Variants in CTNNA3 observed in about 807,000 individuals in gnomAD.
CTNNA3 encodes catenin alpha 3.
A neutral mutation model predicts 95.7 loss-of-function variants in CTNNA3; 76 were observed. The ratio of observed to expected loss-of-function variants is 0.79; its 90% CI spans 0.66 to 0.96. The LOEUF (loss-of-function observed/expected upper bound fraction) is 0.96, where lower values mean the gene tolerates loss of function less well. Ranked by LOEUF, CTNNA3 falls within the 40% of genes least tolerant of loss-of-function variation. The pLI, the probability that CTNNA3 is intolerant of heterozygous loss-of-function variation, is 0.00. For missense variants in CTNNA3, 1,191 were observed against 1,089.8 expected (o/e 1.09, Z -1.31); for synonymous variants, 431 against 374.4 (o/e 1.15, Z -1.74).
Position 66,475,667 on chromosome 10 carries a change from C to T in CTNNA3, c.1531+44950G>A, listed in dbSNP as rs78365177. Among the ~76,000 whole-genome samples, 191 of 152,134 alleles carry T rather than the reference C, an allele frequency of 1.3e-3. 1 individual carries two copies. The East Asian group carries it at 0.023, about 18-fold the overall frequency. On this transcript the variant is annotated intron_variant, in intron 11 of 17. Coordinates refer to ENST00000433211, the MANE Select transcript of CTNNA3 (RefSeq NM_013266.4). ...GCAAATCTAAACTACAATGAGATAT[C>T]GTCTCACGCCAGTCAGAATGGCAAT...
rs990500605 is a variant in CTNNA3 at position 67,239,139 on chromosome 10, C to T, written c.580-19269G>A. ...TTAAATGGTAGTGAGGCCGTTGGTA[C>T]GACTACTTTGGAAAATGATTTGATA... On this transcript the variant is annotated intron_variant, in intron 5 of 17. Transcript: ENST00000433211. 9.2e-5 allele frequency among the ~76,000 whole-genome samples: 14 copies of T among 152,168 alleles called. No individual in the cohort carries two copies. In the South Asian group the frequency reaches 1.2e-3, roughly 14 times the overall value.
chr10:67,149,916 G>A (rs1234680001), intron 7 of CTNNA3, among the ~76,000 whole-genome samples: 3 of 152,140 alleles, frequency 2.0e-5, no homozygotes, highest in Non-Finnish European at 4.4e-5. Flanking sequence ...AACAAATAAT[G>A]AGGCATTCTT....
At chr10:66,037,776 A>G (rs962085418) in intron 15 of CTNNA3, among the ~76,000 whole-genome samples, 7 of 152,220 alleles carry the variant, frequency 4.6e-5, no homozygotes, top group African/African-American at 1.4e-4. Context: ...CCTTGTTATC[A>G]TCAACCTCTC....
At chr10:67,732,884 ACG>A (rs144093304) in intron 1 of CTNNA3, among the ~76,000 whole-genome samples, 16,449 of 132,564 alleles carry the variant, frequency 0.12, 1,160 homozygotes, top group African/African-American at 0.29. Flanking sequence ...TCTCTCACTC[ACG>A]CACACACACA....
chr10:66,816,838 T>C (rs1484850021), intron 7 of CTNNA3, among the ~76,000 whole-genome samples: 6 of 152,030 alleles, frequency 3.9e-5, no homozygotes, highest in African/African-American at 7.2e-5. Flanking sequence ...CCTCCATCTA[T>C]GATGGAATTA....
intron 9 of CTNNA3, among the ~76,000 whole-genome samples, chr10:66,718,826 T>C (rs1444679542): frequency 6.6e-6 from 1 of 152,246 alleles, no homozygotes; most frequent in Admixed American, 6.5e-5. Context: ...ATTAACACCA[T>C]TTTAACAATT....
At chr10:67,368,075 A>T (rs1248615042) in intron 5 of CTNNA3, among the ~76,000 whole-genome samples, 3 of 152,152 alleles carry the variant, frequency 2.0e-5, no homozygotes, top group Non-Finnish European at 4.4e-5. Context: ...AGCTCCAAAA[A>T]AAATGAATGA....
intron 11 of CTNNA3, among the ~76,000 whole-genome samples, chr10:66,443,366 G>C (rs568640623): frequency 1.4e-4 from 21 of 152,290 alleles, no homozygotes; most frequent in Non-Finnish European, 2.8e-4. Flanking sequence ...CTCCTTAAGT[G>C]GGTGTCTGAC....
chr10:66,247,493 G>T (rs1442123641), intron 13 of CTNNA3, among the ~76,000 whole-genome samples: 2 of 152,180 alleles, frequency 1.3e-5, no homozygotes, highest in African/African-American at 4.8e-5. Context: ...GTACAATAGG[G>T]TTATAGAACA....
In CTNNA3 at chr10:66,103,266, A is replaced by G. The variant is rs780708895; in HGVS notation, c.1885-17T>C. On this transcript the variant is annotated splice_polypyrimidine_tract_variant and intron_variant, in intron 13 of 17. Transcript: ENST00000433211. ...CTCTGGGGTCTATAAAAAGAAAGCA[A>G]AACATTGCTAGTGGGAATGTAAAAG... is the stretch of plus-strand genomic sequence containing the variant. 6.3e-7 allele frequency: 1 copy of G among 1,584,732 alleles called. No individual in the cohort carries two copies. The highest frequency in any genetic ancestry group is 8.7e-7 in the Non-Finnish European group (1 of 1,153,176).
At chr10:67,129,331 A>G (rs1365383819) in intron 7 of CTNNA3, among the ~76,000 whole-genome samples, 1 of 152,146 alleles carries the variant, frequency 6.6e-6, no homozygotes, top group Non-Finnish European at 1.5e-5. Context: ...TTGCTTGCTA[A>G]ATTTACTTAT....
At chr10:66,176,066 G>A (rs1201037040) in intron 13 of CTNNA3, among the ~76,000 whole-genome samples, 1 of 152,140 alleles carries the variant, frequency 6.6e-6, no homozygotes, top group Non-Finnish European at 1.5e-5. Context: ...CGTAATTGGT[G>A]ATAATCATTA....
chr10:66,330,790 G>A (rs1174596104), intron 12 of CTNNA3, among the ~76,000 whole-genome samples: 1 of 152,050 alleles, frequency 6.6e-6, no homozygotes, highest in East Asian at 1.9e-4. Context: ...GTATCTCATT[G>A]TGGTTTTCAT....
chr10:67,762,136 G>A lies in CTNNA3; in HGVS notation c.-2+1298C>T, dbSNP rs576648527. On this transcript the variant is annotated intron_variant, in intron 1 of 17. Coordinates refer to the CTNNA3 transcript ENST00000684154. ...AAATTCACACTTTTGGGGGCGGGGG[G>A]AATCAACAATTTTGATCTCGGCTCA... is the stretch of plus-strand genomic sequence containing the variant. Among the ~76,000 whole-genome samples, 45 of 120,444 alleles carry A rather than the reference G, an allele frequency of 3.7e-4. No individual in the cohort carries two copies. The South Asian group carries it at 0.011, about 29-fold the overall frequency. The allele number at this position is 120,444 out of a possible 152,430, so 79.0% of individuals were successfully genotyped here. A position where few individuals can be genotyped will look rare whatever the true frequency, so the allele number is the denominator to read the frequency against.
intron 16 of CTNNA3, 87 bp downstream of exon 16, chr10:65,988,604 TA>T: frequency 9.8e-7 from 1 of 1,020,730 alleles, no homozygotes; most frequent in South Asian, 1.5e-5. Context: ...TTGAAGAGAG[TA>T]AAAATTTAAC....
At chr10:66,691,779 T>A (rs1847551099) in intron 9 of CTNNA3, among the ~76,000 whole-genome samples, 1 of 152,004 alleles carries the variant, frequency 6.6e-6, no homozygotes, top group Non-Finnish European at 1.5e-5. Flanking sequence ...AGAGGAACGA[T>A]CAGACAGCAG....
chr10:66,131,066 CAAAAA>C (rs571726484), intron 13 of CTNNA3, among the ~76,000 whole-genome samples: 1 of 113,792 alleles, frequency 8.8e-6, no homozygotes. Flanking sequence ...AATTGCCTAC[CAAAAA>C]AAAAAAAAAA....
intron 4 of CTNNA3, among the ~76,000 whole-genome samples, chr10:67,528,194 G>T (rs1302709686): frequency 6.6e-6 from 1 of 152,102 alleles, no homozygotes; most frequent in African/African-American, 2.4e-5. Context: ...GAACTAAATG[G>T]CTAGTATCAT....
intron 1 of CTNNA3, among the ~76,000 whole-genome samples, chr10:67,713,628 C>A (rs1365809841): frequency 6.6e-6 from 1 of 152,226 alleles, no homozygotes; most frequent in East Asian, 1.9e-4. Context: ...AGTTCATGTC[C>A]TTTGCAGGGA....
Sources: gnomAD v4.1 joint callset for allele counts (sites outside exome capture counted in the v4.1 genomes callset) on GRCh38, gnomAD v4.1.1 for gene constraint, MANE v1.5 for transcripts, NCBI Gene and HGNC (gene_info 2026-07-23, HGNC 2026-07-21) for gene names.